Variants in OSBP2 observed in about 807,000 individuals in gnomAD.
OSBP2 encodes the protein oxysterol-binding protein 2.
In OSBP2, 66 loss-of-function variants were observed where a neutral mutation model predicts 96.0. The observed-to-expected ratio is 0.69, with a 90% CI of 0.56 to 0.84. The LOEUF (loss-of-function observed/expected upper bound fraction) is 0.84. OSBP2 is among the 40% of genes least tolerant of loss of function. The pLI, the probability that OSBP2 is intolerant of heterozygous loss-of-function variation, is 0.00. For synonymous variants in OSBP2, 525 were observed against 520.9 expected, an observed-to-expected ratio of 1.01 and a Z score of -0.11; for missense variants, 1,038 against 1,222.7, an observed-to-expected ratio of 0.85 and a Z score of 2.25.
At chr22:30,859,978 G>A (rs1031600497) in intron 2 of OSBP2, among the ~76,000 whole-genome samples, 2 of 152,126 alleles carry the variant, frequency 1.3e-5, no homozygotes, top group African/African-American at 4.8e-5. Context: ...CAGGCCATGA[G>A]GGACAAATGT....
chr22:30,723,823 C>T (rs1438739821), intron 1 of OSBP2, among the ~76,000 whole-genome samples: 4 of 152,166 alleles, frequency 2.6e-5, no homozygotes, highest in Admixed American at 6.6e-5. Context: ...ACAGGCATAT[C>T]GTCCCCCGTT....
Position 30,741,339 on chromosome 22 carries a change from A to G in OSBP2, c.823A>G (p.Lys275Glu), listed in dbSNP as rs201288421. ...CACCGCCCTGGAGCTGGCCAAGGCC[A>G]AGGCTGTCCGCGTGATGAACACTCA... Reference protein sequence around the residue: ...WITALELAKAKAVRVMNTHSD... With the variant: ...WITALELAKAEAVRVMNTHSD... The change falls in exon 2 of 14, where the codon AAG becomes GAG. Residue 275 changes from lysine (K) to glutamate (E), a missense_variant. Lys to Glu is a moderately conservative substitution (Grantham distance 56). Coordinates refer to ENST00000332585, the MANE Select transcript of OSBP2 (RefSeq NM_030758.4). The G allele has an allele frequency of 3.2e-4, 513 of 1,612,092 alleles. No individual in the cohort carries two copies. Among genetic ancestry groups the G allele is most frequent in the Non-Finnish European group, 4.0e-4 (476 of 1,179,852 alleles).
intron 13 of OSBP2, 51 bp from the exon 14 acceptor site, chr22:30,906,146 G>A (rs1321386399): frequency 5.6e-6 from 9 of 1,612,278 alleles, no homozygotes; most frequent in African/African-American, 1.3e-5. Flanking sequence ...GACGGATTCC[G>A]GGGGAGCAGG....
chr22:30,857,501 G>C (rs1328789945), intron 2 of OSBP2, among the ~76,000 whole-genome samples: 1 of 152,240 alleles, frequency 6.6e-6, no homozygotes, highest in African/African-American at 2.4e-5. Flanking sequence ...ATCTTGGGGA[G>C]AATCACTGGA....
At position 30,857,434 on chromosome 22, in the gene OSBP2, C is replaced by T. The variant is rs538621116; in HGVS notation, c.854-12995C>T. Among the ~76,000 whole-genome samples, 5 of 152,310 alleles carry T rather than the reference C, an allele frequency of 3.3e-5. No homozygotes were observed. In the East Asian group the frequency reaches 9.6e-4, roughly 29 times the overall value. ...AAGCTGAGAACCCCATTCTCTGCAG[C>T]GCATTTGGGTGGGCCGGAAATAGTC... is the stretch of plus-strand genomic sequence containing the variant. On this transcript the variant is annotated intron_variant, in intron 2 of 13. Transcript: ENST00000332585.
chr22:30,814,332 A>C (rs889354712), intron 2 of OSBP2, among the ~76,000 whole-genome samples: 2 of 151,426 alleles, frequency 1.3e-5, no homozygotes, highest in Admixed American at 1.3e-4. Context: ...CTATGTCCTC[A>C]CATGGTCCTT....
chr22:30,730,760 CTCTCTCTCTCTCTCTATA>C (rs1236454831), intron 1 of OSBP2, among the ~76,000 whole-genome samples: 73 of 41,952 alleles, frequency 1.7e-3, no homozygotes, highest in South Asian at 0.017. Flanking sequence ...CTCTCTCTCT[CTCTCTCTCTCTCTCTATA>C]TATATATATA....
chr22:30,822,458 C>A, intron 2 of OSBP2: 1 of 1,240,610 alleles, frequency 8.1e-7, no homozygotes, highest in Non-Finnish European at 1.0e-6. Flanking sequence ...TTAACGCGCT[C>A]ATGTACCGGG....
At chr22:30,833,942 A>G (rs1051414511) in intron 2 of OSBP2, among the ~76,000 whole-genome samples, 5 of 151,538 alleles carry the variant, frequency 3.3e-5, no homozygotes, top group Non-Finnish European at 7.3e-5. Context: ...AGTTGCAAGA[A>G]CTGTATAATC....
chr22:30,730,284 A>G lies in OSBP2; in HGVS notation c.645-10877A>G, dbSNP rs374175609. Among the ~76,000 whole-genome samples, 10 of 152,294 alleles carry G rather than the reference A, an allele frequency of 6.6e-5. No homozygotes were observed. In the South Asian group the frequency reaches 1.9e-3, roughly 28 times the overall value. ...AGCCTGGAGTTTGCTTTTAAAGCCA[A>G]TTTTTATAAAGTATAAAAGTATAAC... On this transcript the variant is annotated intron_variant, in intron 1 of 13. Coordinates refer to ENST00000332585, the MANE Select transcript of OSBP2 (RefSeq NM_030758.4).
chr22:30,893,140 T>C lies in OSBP2; in HGVS notation c.1888T>C (p.Ser630Pro). The C allele has an allele frequency of 2.5e-6, 4 of 1,613,932 alleles. No homozygotes were observed. Among genetic ancestry groups the C allele is most frequent in the Non-Finnish European group, 3.4e-6 (4 of 1,179,922 alleles). The change falls in exon 9 of 14, where the codon TCA becomes CCA. Residue 630 changes from serine (S) to proline (P), a missense_variant. By Grantham distance (74) the Ser-to-Pro change is moderately conservative. Coordinates refer to ENST00000332585, the MANE Select transcript of OSBP2 (RefSeq NM_030758.4). Reference protein sequence around the residue: ...LCEQVSHHPPSAAHYVFSKHG... With the variant: ...LCEQVSHHPPPAAHYVFSKHG... ...GTCTCAGGTGAGCCACCACCCCCCC[T>C]CAGCTGCGCACTACGTGTTCTCCAA... is the stretch of plus-strand genomic sequence containing the variant.
chr22:30,894,017 A>AGG lies in OSBP2; in HGVS notation c.2375+19_2375+20dup. 1 of 1,575,582 alleles carries AGG rather than the reference A, an allele frequency of 6.3e-7. No individual in the cohort carries two copies. The highest frequency in any genetic ancestry group is 1.2e-5 in the South Asian group (1 of 86,738). On this transcript the variant is annotated intron_variant, in intron 12 of 13. Transcript: ENST00000332585. ...ACCCGCTGCCGTGAGTAGGGCTGGC[A>AGG]GGGGCCCCGCCACAGGCAAAGGAGA... is the stretch of plus-strand genomic sequence containing the variant.
intron 1 of OSBP2, among the ~76,000 whole-genome samples, chr22:30,716,703 G>A (rs2089462216): frequency 6.6e-6 from 1 of 152,182 alleles, no homozygotes; most frequent in Admixed American, 6.5e-5. Flanking sequence ...TTCCCAAAAT[G>A]CTGGGATTAC....
At chr22:30,756,712 A>T (rs1294646251) in intron 2 of OSBP2, among the ~76,000 whole-genome samples, 1 of 151,828 alleles carries the variant, frequency 6.6e-6, no homozygotes, top group Admixed American at 6.6e-5. Context: ...ACAAACAAAC[A>T]AAAAAAACCT....
intron 3 of OSBP2, among the ~76,000 whole-genome samples, chr22:30,876,417 G>T (rs2147123387): frequency 6.6e-6 from 1 of 152,344 alleles, no homozygotes; most frequent in Middle Eastern, 3.4e-3. Flanking sequence ...CCGCCCCACT[G>T]CCCTGGAAAG....
chr22:30,901,078 C>CT (rs1470572355), intron 12 of OSBP2, among the ~76,000 whole-genome samples: 6 of 151,836 alleles, frequency 4.0e-5, no homozygotes, highest in Admixed American at 2.0e-4. Flanking sequence ...ACATAAAGAA[C>CT]TTTTTTTTGA....
rs561039575 is a variant in OSBP2, at chr22:30,804,179, G to A, written c.853+62810G>A. Reference sequence around the variant, plus strand: ...GGGGGCTTTACTGCCTAGGCAAAAGGGATTTGGTGTGTTGGGGAGGAGAGG... The same window carrying A: ...GGGGGCTTTACTGCCTAGGCAAAAGAGATTTGGTGTGTTGGGGAGGAGAGG... On this transcript the variant is annotated intron_variant, in intron 2 of 13. Coordinates refer to ENST00000332585, the MANE Select transcript of OSBP2 (RefSeq NM_030758.4). Among the ~76,000 whole-genome samples the A allele has an allele frequency of 2.0e-3, 305 of 152,328 alleles. 1 individual carries two copies. Among genetic ancestry groups the A allele is most frequent in the African/African-American group, 7.1e-3 (295 of 41,562 alleles).
At chr22:30,784,623 C>A (rs1394176911) in intron 2 of OSBP2, among the ~76,000 whole-genome samples, 1 of 152,088 alleles carries the variant, frequency 6.6e-6, no homozygotes, top group African/African-American at 2.4e-5. Context: ...AGAAAGGCAT[C>A]TAATTTTTAT....
At chr22:30,830,691 T>C (rs554205357) in intron 2 of OSBP2, among the ~76,000 whole-genome samples, 1 of 152,252 alleles carries the variant, frequency 6.6e-6, no homozygotes, top group Non-Finnish European at 1.5e-5. Flanking sequence ...CTTTCTGAGA[T>C]TCAGCAGGAC....
Sources: allele counts gnomAD v4.1 joint callset (sites outside exome capture counted in the v4.1 genomes callset), GRCh38; gene constraint gnomAD v4.1.1; transcripts MANE v1.5; gene names NCBI Gene and HGNC (gene_info 2026-07-23, HGNC 2026-07-21).